The following C8orf34 variants were observed in gnomAD, a reference collection of about 807,000 sequenced individuals.
The protein encoded by C8orf34 is uncharacterized protein C8orf34.
C8orf34 carries 65 observed loss-of-function variants against 68.3 expected under a neutral mutation model. That is an observed-to-expected ratio of 0.95 (90% CI 0.78 to 1.17). C8orf34 has a LOEUF of 1.17. C8orf34 is among the 50% of genes most tolerant of loss of function. C8orf34 has a pLI of 0.00. For synonymous variants in C8orf34, 244 were observed against 241.2 expected, an observed-to-expected ratio of 1.01 and a Z score of -0.11; for missense variants, 664 against 655.4, an observed-to-expected ratio of 1.01 and a Z score of -0.14.
intron 10 of C8orf34, among the ~76,000 whole-genome samples, chr8:68,724,787 T>C (rs1461761607): frequency 1.3e-5 from 2 of 152,208 alleles, no homozygotes; most frequent in African/African-American, 2.4e-5. Flanking sequence ...ATAAATATAA[T>C]ACATTATTTT....
At chr8:68,708,951 T>A in intron 8 of C8orf34, 43 bp from the exon 9 acceptor site, 2 of 1,408,556 alleles carry the variant, frequency 1.4e-6, no homozygotes, top group Non-Finnish European at 2.0e-6. Context: ...ATTTCACAAT[T>A]TAACATTATG....
chr8:68,460,355 G>C (rs1388909468), intron 3 of C8orf34, among the ~76,000 whole-genome samples: 3 of 152,226 alleles, frequency 2.0e-5, no homozygotes, highest in African/African-American at 4.8e-5. Flanking sequence ...CTCCACCTCT[G>C]GGGGCAGGGC....
chr8:68,713,187 A>T (rs1470113801), intron 9 of C8orf34, among the ~76,000 whole-genome samples: 1 of 152,170 alleles, frequency 6.6e-6, no homozygotes, highest in African/African-American at 2.4e-5. Context: ...CTAAGAGGAA[A>T]GTTCATAGCA....
chr8:68,503,842 T>C (rs1359650068), intron 5 of C8orf34, among the ~76,000 whole-genome samples: 1 of 152,182 alleles, frequency 6.6e-6, no homozygotes, highest in African/African-American at 2.4e-5. Flanking sequence ...ACTATAGTGT[T>C]AGACCCAGTT....
At chr8:68,330,794 GAC>G (rs201054752), upstream of C8orf34, 5,453 of 407,042 alleles carry the variant, frequency 0.013, no homozygotes, top group South Asian at 0.021. Flanking sequence ...CGCGCGCACG[GAC>G]ACACACACAC....
chr8:68,786,731 TACCC>T (rs1251645413), intron 11 of C8orf34, among the ~76,000 whole-genome samples: 1 of 152,150 alleles, frequency 6.6e-6, no homozygotes, highest in East Asian at 1.9e-4. Flanking sequence ...GTTTAAATCT[TACCC>T]AGGGAATAAT....
intron 5 of C8orf34, among the ~76,000 whole-genome samples, chr8:68,516,767 A>G (rs868081212): frequency 2.0e-5 from 3 of 151,936 alleles, no homozygotes; most frequent in African/African-American, 7.3e-5. Flanking sequence ...CTGCCTCCCG[A>G]GTAGCTGAGA....
intron 5 of C8orf34, among the ~76,000 whole-genome samples, chr8:68,500,411 T>C (rs1813715053): frequency 6.6e-6 from 1 of 152,174 alleles, no homozygotes; most frequent in African/African-American, 2.4e-5. Flanking sequence ...GAATGCCACG[T>C]GGGATCCAGG....
intron 5 of C8orf34, among the ~76,000 whole-genome samples, chr8:68,497,713 C>T (rs1219157462): frequency 6.6e-6 from 1 of 152,002 alleles, no homozygotes; most frequent in African/African-American, 2.4e-5. Context: ...TAAGGAATGA[C>T]CCCTGGGATA....
Position 68,695,291 on chromosome 8 carries a change from GA to G in C8orf34, c.1242-13701del, listed in dbSNP as rs1230645320. Among the ~76,000 whole-genome samples, 11 of 152,050 alleles carry G rather than the reference GA, an allele frequency of 7.2e-5. No individual in the cohort carries two copies. In the South Asian group the frequency reaches 1.9e-3, roughly 26 times the overall value. On this transcript the variant is annotated intron_variant, in intron 8 of 13. Coordinates refer to ENST00000518698, the MANE Select transcript of C8orf34 (RefSeq NM_052958.4). Reference sequence around the variant, plus strand: ...CCTACCCGAGTAGCTGGGATTACAGGAACCCGCCACCACGTCTGGCTAAATT... The same window carrying G: ...CCTACCCGAGTAGCTGGGATTACAGGACCCGCCACCACGTCTGGCTAAATT...
In C8orf34 at chr8:68,663,479, C is replaced by T. The variant is rs575354876; in HGVS notation, c.1241+22968C>T. On this transcript the variant is annotated intron_variant, in intron 8 of 13. Coordinates refer to ENST00000518698, the MANE Select transcript of C8orf34 (RefSeq NM_052958.4). ...TCACTAAATCTTATCTAAAAAATCC[C>T]GGAGAAAAAATCCAGTGGAGTCCAC... Among the ~76,000 whole-genome samples the T allele has an allele frequency of 3.9e-5, 6 of 152,226 alleles. No individual in the cohort carries two copies. The South Asian group carries it at 8.3e-4, about 21-fold the overall frequency.
chr8:68,752,342 G>GT (rs1822731052), intron 10 of C8orf34, among the ~76,000 whole-genome samples: 1 of 152,136 alleles, frequency 6.6e-6, no homozygotes, highest in African/African-American at 2.4e-5. Flanking sequence ...ACTTATACTT[G>GT]TAAGTTCATT....
intron 1 of C8orf34, among the ~76,000 whole-genome samples, chr8:68,360,331 T>C (rs181212576): frequency 9.6e-4 from 147 of 152,344 alleles, no homozygotes; most frequent in African/African-American, 3.2e-3. Flanking sequence ...ATATTTATCA[T>C]GTCATGTCTC....
chr8:68,737,176 G>A (rs1314452367), intron 10 of C8orf34, among the ~76,000 whole-genome samples: 1 of 152,048 alleles, frequency 6.6e-6, no homozygotes, highest in Non-Finnish European at 1.5e-5. Flanking sequence ...TCTGCCTAAG[G>A]CAGTATGCCC....
chr8:68,787,923 A>G (rs573669306), intron 12 of C8orf34, among the ~76,000 whole-genome samples: 1 of 152,344 alleles, frequency 6.6e-6, no homozygotes, highest in Non-Finnish European at 1.5e-5. Context: ...CATTAGTTAA[A>G]TGAAGATATT....
chr8:68,674,826 A>G (rs979227134), intron 8 of C8orf34, among the ~76,000 whole-genome samples: 1 of 151,982 alleles, frequency 6.6e-6, no homozygotes, highest in African/African-American at 2.4e-5. Flanking sequence ...CCCAAAGTAA[A>G]GTATCTCAAG....
At chr8:68,549,603 T>G (rs1228990688) in intron 7 of C8orf34, among the ~76,000 whole-genome samples, 1 of 151,764 alleles carries the variant, frequency 6.6e-6, no homozygotes, top group East Asian at 1.9e-4. Context: ...ATAAAAATCA[T>G]GTCTGCATAA....
At chr8:68,550,893 T>G (rs1350512304) in intron 7 of C8orf34, among the ~76,000 whole-genome samples, 3 of 151,696 alleles carry the variant, frequency 2.0e-5, no homozygotes, top group African/African-American at 4.8e-5. Flanking sequence ...AAGTTTTTTT[T>G]TTTGTTTTGT....
intron 7 of C8orf34, among the ~76,000 whole-genome samples, chr8:68,588,592 C>T (rs1343621062): frequency 6.6e-6 from 1 of 151,970 alleles, no homozygotes; most frequent in Non-Finnish European, 1.5e-5. Context: ...GCAACCCAGT[C>T]GAATGAGGAA....
Sources: allele counts gnomAD v4.1 joint callset (sites outside exome capture counted in the v4.1 genomes callset), GRCh38; gene constraint gnomAD v4.1.1; transcripts MANE v1.5; gene names NCBI Gene and HGNC (gene_info 2026-07-23, HGNC 2026-07-21).